KHDRBS2: variants seen among roughly 807,000 people sequenced by gnomAD.
KHDRBS2 encodes KH RNA binding domain containing, signal transduction associated 2.
In KHDRBS2, 26 loss-of-function variants were observed where a neutral mutation model predicts 44.3. The observed-to-expected ratio is 0.59, with a 90% CI of 0.43 to 0.81. KHDRBS2 has a LOEUF of 0.81. KHDRBS2 is among the 40% of genes least tolerant of loss of function. The pLI, the probability that KHDRBS2 is intolerant of heterozygous loss-of-function variation, is 0.00. For synonymous variants in KHDRBS2, 194 were observed against 151.1 expected, an observed-to-expected ratio of 1.28 and a Z score of -2.08; for missense variants, 476 against 433.1, an observed-to-expected ratio of 1.10 and a Z score of -0.88.
rs374827571 is a variant in KHDRBS2 at position 61,894,756 on chromosome 6, C to A, written c.689G>T (p.Arg230Leu). 2.1e-5 allele frequency: 34 copies of A among 1,613,512 alleles called. 4 individuals are homozygous for A. In the South Asian group the frequency reaches 3.3e-4, roughly 16 times the overall value. ...VLTPRGSTVTRGALPVPPVAR... is the reference protein window; with the variant it reads ...VLTPRGSTVTLGALPVPPVAR... ...TACAGGTGGCACTGGAAGCGCTCCA[C>A]GGGTTACAGTGCTTCCCCGAGGGGT... is the stretch of plus-strand genomic sequence containing the variant. Residue 230 changes from arginine to leucine, a missense_variant, in exon 6 of 9, where the codon CGT becomes CTT. Arg to Leu is a moderately radical substitution (Grantham distance 102). Coordinates refer to ENST00000281156, the MANE Select transcript of KHDRBS2 (RefSeq NM_152688.4).
intron 6 of KHDRBS2, among the ~76,000 whole-genome samples, chr6:61,884,237 C>A (rs1270592510): frequency 6.6e-6 from 1 of 151,984 alleles, no homozygotes; most frequent in Non-Finnish European, 1.5e-5. Context: ...GGCTGGAATG[C>A]CGATAGGCTT....
chr6:61,543,814 CTGGAGGTCATTTTGTTAAG>C, the KHDRBS2 span, among the ~76,000 whole-genome samples: 4 of 151,998 alleles, frequency 2.6e-5, no homozygotes, highest in Non-Finnish European at 5.9e-5. Context: ...ATGGATGGAG[CTGGAGGTCATTTTGTTAAG>C]TGAGATATGC....
chr6:62,054,148 T>C (rs1052152334), intron 2 of KHDRBS2, among the ~76,000 whole-genome samples: 2 of 152,216 alleles, frequency 1.3e-5, no homozygotes, highest in Admixed American at 6.6e-5. Context: ...ACAATCACCA[T>C]AGGGTTTGGA....
At chr6:61,566,690 G>A in the KHDRBS2 span, among the ~76,000 whole-genome samples, 30 of 137,996 alleles carry the variant, frequency 2.2e-4, no homozygotes, top group Non-Finnish European at 3.6e-4. Context: ...TTTTGCAAAG[G>A]TGGTTTCCAT....
At chr6:62,010,105 T>C (rs1427505302) in intron 3 of KHDRBS2, among the ~76,000 whole-genome samples, 12 of 151,788 alleles carry the variant, frequency 7.9e-5, no homozygotes, top group Admixed American at 2.6e-4. Flanking sequence ...TGGAGGGAGG[T>C]TGTACCCTGC....
rs528831164 is a variant in KHDRBS2, at chr6:62,255,124, A to C, written c.91+30734T>G. Among the ~76,000 whole-genome samples the C allele has an allele frequency of 2.6e-5, 4 of 152,148 alleles. No homozygotes were observed. In the South Asian group the frequency reaches 8.3e-4, roughly 32 times the overall value. ...ACTATTTAATATGAGAAAAATAAAC[A>C]GGCAGCTTTCAATTTACAAATAGAT... is the stretch of plus-strand genomic sequence containing the variant. On this transcript the variant is annotated intron_variant, in intron 1 of 8. Transcript: ENST00000281156.
At chr6:61,786,705 A>C (rs1017887238) in intron 6 of KHDRBS2, among the ~76,000 whole-genome samples, 7 of 151,970 alleles carry the variant, frequency 4.6e-5, no homozygotes, top group Admixed American at 2.0e-4. Flanking sequence ...AAGATCTTAA[A>C]CTCTGCTTTT....
intron 2 of KHDRBS2, among the ~76,000 whole-genome samples, chr6:62,079,817 A>G (rs1797052788): frequency 6.6e-6 from 1 of 152,186 alleles, no homozygotes; most frequent in South Asian, 2.1e-4. Context: ...AGTCTCAGAA[A>G]GATGTATTTA....
the KHDRBS2 span, among the ~76,000 whole-genome samples, chr6:61,674,373 A>G: frequency 6.6e-6 from 1 of 151,814 alleles, no homozygotes; most frequent in African/African-American, 2.4e-5. Context: ...AAAACTCCAC[A>G]GTATTTTGGA....
intron 2 of KHDRBS2, among the ~76,000 whole-genome samples, chr6:62,056,276 C>G (rs1191439429): frequency 1.3e-5 from 2 of 151,750 alleles, no homozygotes; most frequent in Non-Finnish European, 2.9e-5. Context: ...TTTCATTAAT[C>G]CTAGAAATAA....
the KHDRBS2 span, among the ~76,000 whole-genome samples, chr6:61,595,790 C>T: frequency 6.6e-6 from 1 of 151,610 alleles, no homozygotes; most frequent in Non-Finnish European, 1.5e-5. Flanking sequence ...TATAAACAAA[C>T]ATATTAATAA....
chr6:62,246,949 C>T (rs1835673032), intron 1 of KHDRBS2, among the ~76,000 whole-genome samples: 1 of 151,942 alleles, frequency 6.6e-6, no homozygotes. Flanking sequence ...AAATCCTAGG[C>T]CAAAAGATAT....
intron 1 of KHDRBS2, among the ~76,000 whole-genome samples, chr6:62,267,175 C>T (rs569295966): frequency 1.3e-4 from 20 of 152,130 alleles, no homozygotes; most frequent in African/African-American, 4.8e-4. Flanking sequence ...CAGAAAAGGA[C>T]ATATCTTGCA....
intron 3 of KHDRBS2, among the ~76,000 whole-genome samples, chr6:62,027,340 A>C (rs1168606407): frequency 6.6e-6 from 1 of 152,154 alleles, no homozygotes; most frequent in Non-Finnish European, 1.5e-5. Context: ...AATATGTAGG[A>C]CTGTGATATA....
intron 4 of KHDRBS2, among the ~76,000 whole-genome samples, chr6:61,955,292 G>T: frequency 6.9e-6 from 1 of 144,150 alleles, no homozygotes; most frequent in East Asian, 2.1e-4. Flanking sequence ...TCATACGTAT[G>T]TATGTATACA....
chr6:61,952,388 C>G (rs1375193798), intron 4 of KHDRBS2, among the ~76,000 whole-genome samples: 3 of 151,962 alleles, frequency 2.0e-5, no homozygotes, highest in Admixed American at 6.6e-5. Context: ...TCCACCTAAT[C>G]TTTTTTCTAT....
At chr6:61,593,471 T>C in the KHDRBS2 span, among the ~76,000 whole-genome samples, 1 of 66,038 alleles carries the variant, frequency 1.5e-5, no homozygotes, top group Admixed American at 1.8e-4. Flanking sequence ...AAATGTACTA[T>C]AGGTTTTTTT....
chr6:62,020,224 G>A (rs1156843306), intron 3 of KHDRBS2, among the ~76,000 whole-genome samples: 1 of 151,888 alleles, frequency 6.6e-6, no homozygotes, highest in African/African-American at 2.4e-5. Flanking sequence ...AATTTTTCCA[G>A]AGGTATTATT....
chr6:61,946,812 C>A (rs542302617), intron 4 of KHDRBS2, among the ~76,000 whole-genome samples: 11 of 152,112 alleles, frequency 7.2e-5, no homozygotes, highest in Non-Finnish European at 1.0e-4. Context: ...AGAACAAATG[C>A]ATGAAATATC....
Sources: allele counts gnomAD v4.1 joint callset (sites outside exome capture counted in the v4.1 genomes callset), GRCh38; gene constraint gnomAD v4.1.1; transcripts MANE v1.5; gene names NCBI Gene and HGNC (gene_info 2026-07-23, HGNC 2026-07-21).